MBNL2: variants seen among roughly 807,000 people sequenced by gnomAD.
The protein encoded by MBNL2 is muscleblind like splicing regulator 2, also known as muscleblind-like protein 2.
A neutral mutation model predicts 41.9 loss-of-function variants in MBNL2; 17 were observed. The ratio of observed to expected loss-of-function variants is 0.41; its 90% CI spans 0.28 to 0.61. MBNL2 has a LOEUF of 0.61. Among genes scored for constraint, MBNL2 ranks in the 20% least tolerant of loss-of-function variants. MBNL2 has a pLI of 0.35. For missense variants in MBNL2, 336 were observed against 505.6 expected, an observed-to-expected ratio of 0.66 and a Z score of 3.22; for synonymous variants, 195 against 182.9, an observed-to-expected ratio of 1.07 and a Z score of -0.53.
chr13:97,217,971 G>A (rs1262760536), upstream of MBNL2, among the ~76,000 whole-genome samples: 1 of 152,142 alleles, frequency 6.6e-6, no homozygotes, highest in Non-Finnish European at 1.5e-5. Context: ...TAAAGAGTTA[G>A]GCATCAAAGA....
chr13:97,302,822 CAG>C (rs2153003896), intron 2 of MBNL2, among the ~76,000 whole-genome samples: 1 of 152,250 alleles, frequency 6.6e-6, no homozygotes, highest in East Asian at 1.9e-4. Flanking sequence ...GGCTGGCAGG[CAG>C]AGAGTGAAAA....
rs140107508 is a variant in MBNL2 at position 97,368,700 on chromosome 13, T to TTGTGTGTGTGTGTG, written c.1048+3543_1048+3556dup. Among the ~76,000 whole-genome samples the TTGTGTGTGTGTGTG allele has an allele frequency of 3.5e-4, 52 of 148,364 alleles. 1 individual carries two copies. Among genetic ancestry groups the TTGTGTGTGTGTGTG allele is most frequent in the African/African-American group, 8.4e-4 (34 of 40,400 alleles). ...AGAGATTCCATAGGTATATTCAAGTTTGTGTGTGTGTGTGTGTGTGTGTGT... is the reference window on the plus strand; with the variant it reads ...AGAGATTCCATAGGTATATTCAAGTTTGTGTGTGTGTGTGTGTGTGTGTGTGTGTGTGTGTGTGT... On this transcript the variant is annotated intron_variant, in intron 8 of 8. Transcript: ENST00000679496.
chr13:97,183,657 C>T, the MBNL2 span, among the ~76,000 whole-genome samples: 3,565 of 152,316 alleles, frequency 0.023, 128 homozygotes, highest in African/African-American at 0.081. Flanking sequence ...AAGCACCTTG[C>T]CCAGCTCTGA....
intron 2 of MBNL2, among the ~76,000 whole-genome samples, chr13:97,309,983 C>T (rs953309367): frequency 2.6e-5 from 4 of 152,084 alleles, no homozygotes; most frequent in South Asian, 2.1e-4. Context: ...ATGCAAAAGG[C>T]GGAATATTGG....
At chr13:97,218,430 C>CAAAAAA (rs746110575), upstream of MBNL2, among the ~76,000 whole-genome samples, 1 of 69,050 alleles carries the variant, frequency 1.4e-5, no homozygotes, top group Non-Finnish European at 2.7e-5. Context: ...AAAAACAAAA[C>CAAAAAA]AAAACAAAAC....
intron 1 of MBNL2, among the ~76,000 whole-genome samples, chr13:97,265,557 T>G (rs778589166): frequency 5.9e-5 from 9 of 152,166 alleles, no homozygotes; most frequent in Non-Finnish European, 1.0e-4. Flanking sequence ...GTACCTACCT[T>G]CAGAGAAAGA....
intron 2 of MBNL2, among the ~76,000 whole-genome samples, chr13:97,287,721 C>CTTTTTT (rs768809008): frequency 9.1e-4 from 104 of 114,862 alleles, no homozygotes; most frequent in African/African-American, 3.0e-3. Flanking sequence ...CTTTTCTTTT[C>CTTTTTT]TTTTTTTTTT....
At chr13:97,311,200 G>A (rs894887478) in intron 2 of MBNL2, among the ~76,000 whole-genome samples, 2 of 152,160 alleles carry the variant, frequency 1.3e-5, no homozygotes, top group African/African-American at 4.8e-5. Context: ...AGAATGGGAG[G>A]TAGAGTTAAT....
chr13:97,162,001 C>A, the MBNL2 span, among the ~76,000 whole-genome samples: 1 of 152,168 alleles, frequency 6.6e-6, no homozygotes, highest in Admixed American at 6.5e-5. Flanking sequence ...CGTGGTTCCA[C>A]AGGCTCTACA....
intron 2 of MBNL2, among the ~76,000 whole-genome samples, chr13:97,332,874 G>A (rs1187619067): frequency 1.3e-5 from 2 of 152,214 alleles, no homozygotes; most frequent in Admixed American, 1.3e-4. Context: ...CAAAGAGGGT[G>A]ACGCAACTAT....
the MBNL2 span, among the ~76,000 whole-genome samples, chr13:97,181,000 C>A: frequency 6.6e-6 from 1 of 152,092 alleles, no homozygotes; most frequent in Non-Finnish European, 1.5e-5. Flanking sequence ...GTCATCTGCA[C>A]TGTGTATTCC....
the MBNL2 span, among the ~76,000 whole-genome samples, chr13:97,146,364 C>T: frequency 1.3e-5 from 2 of 152,110 alleles, no homozygotes; most frequent in Non-Finnish European, 2.9e-5. Flanking sequence ...AAAAACCCCA[C>T]AACACTTCAC....
chr13:97,259,573 G>A (rs189563537), intron 1 of MBNL2, among the ~76,000 whole-genome samples: 5 of 152,218 alleles, frequency 3.3e-5, no homozygotes, highest in East Asian at 1.9e-4. Context: ...TAGATCCCAC[G>A]GCTCAAAAGG....
chr13:97,152,340 A>G, the MBNL2 span, among the ~76,000 whole-genome samples: 1 of 152,142 alleles, frequency 6.6e-6, no homozygotes, highest in Non-Finnish European at 1.5e-5. Flanking sequence ...AAATGATAAG[A>G]GTTTCATAAA....
the MBNL2 span, among the ~76,000 whole-genome samples, chr13:97,177,822 T>C: frequency 6.6e-6 from 1 of 152,144 alleles, no homozygotes; most frequent in Non-Finnish European, 1.5e-5. Context: ...AGAATTAGAA[T>C]AACATCAGAA....
chr13:97,218,435 C>CAAA (rs748001765), upstream of MBNL2, among the ~76,000 whole-genome samples: 1 of 67,576 alleles, frequency 1.5e-5, no homozygotes, highest in South Asian at 4.7e-4. Context: ...CAAAACAAAA[C>CAAA]AAAACAAAAA....
At chr13:97,197,220 C>G in the MBNL2 span, among the ~76,000 whole-genome samples, 3 of 152,138 alleles carry the variant, frequency 2.0e-5, no homozygotes, top group African/African-American at 7.2e-5. Context: ...TATTGTGTTT[C>G]TATTTTTATT....
chr13:97,285,567 T>C (rs1408459568), intron 2 of MBNL2, among the ~76,000 whole-genome samples: 2 of 152,234 alleles, frequency 1.3e-5, no homozygotes, highest in African/African-American at 4.8e-5. Context: ...TTTCTGAATC[T>C]TGGCGATCAA....
chr13:97,354,645 T>C (rs1329907985), intron 5 of MBNL2, among the ~76,000 whole-genome samples: 1 of 152,256 alleles, frequency 6.6e-6, no homozygotes, highest in African/African-American at 2.4e-5. Flanking sequence ...AAGAAGAATA[T>C]TAACCTTCCA....
Sources: allele counts gnomAD v4.1 joint callset (sites outside exome capture counted in the v4.1 genomes callset), GRCh38; gene constraint gnomAD v4.1.1; transcripts MANE v1.5; gene names NCBI Gene and HGNC (gene_info 2026-07-23, HGNC 2026-07-21).